LEF1: variants seen among roughly 807,000 people sequenced by gnomAD.
LEF1 encodes lymphoid enhancer-binding factor 1.
LEF1 carries 14 observed loss-of-function variants against 51.2 expected under a neutral mutation model. That is an observed-to-expected ratio of 0.27 (90% CI 0.18 to 0.43). The LOEUF (loss-of-function observed/expected upper bound fraction) is 0.43. Ranked by LOEUF, LEF1 falls within the 20% of genes least tolerant of loss-of-function variation. The pLI is 1.00. For missense variants in LEF1, 386 were observed against 512.0 expected (o/e 0.75, Z 2.37); for synonymous variants, 185 against 183.2 (o/e 1.01, Z -0.08).
chr4:108,097,836 T>C (rs1458695345), intron 3 of LEF1, among the ~76,000 whole-genome samples: 1 of 152,168 alleles, frequency 6.6e-6, no homozygotes, highest in African/African-American at 2.4e-5. Context: ...TGAAGTGTAG[T>C]CAGCTTGATG....
At chr4:108,158,522 G>A (rs1358859353) in intron 3 of LEF1, among the ~76,000 whole-genome samples, 1 of 152,050 alleles carries the variant, frequency 6.6e-6, no homozygotes, top group Non-Finnish European at 1.5e-5. Flanking sequence ...ATGTTTTTCT[G>A]CTTGCTACAG....
intron 3 of LEF1, among the ~76,000 whole-genome samples, chr4:108,144,915 T>C (rs937431743): frequency 1.7e-5 from 2 of 120,650 alleles, no homozygotes; most frequent in Non-Finnish European, 3.4e-5. Flanking sequence ...GAATACTGCA[T>C]AATCTGCAGG....
intron 3 of LEF1, among the ~76,000 whole-genome samples, chr4:108,105,097 T>TA (rs1267573731): frequency 3.9e-4 from 60 of 152,014 alleles, no homozygotes; most frequent in Non-Finnish European, 6.2e-4. Flanking sequence ...TATTTAACCC[T>TA]CAGAGCTTAA....
intron 1 of LEF1, among the ~76,000 whole-genome samples, chr4:108,166,991 C>A (rs1370018349): frequency 1.3e-5 from 2 of 152,064 alleles, no homozygotes; most frequent in Non-Finnish European, 2.9e-5. Context: ...GGCCGGCCTG[C>A]TCCCCGCGGC....
chr4:108,075,371 A>T (rs1295250607), intron 8 of LEF1: 1 of 152,262 alleles, frequency 6.6e-6, no homozygotes, highest in Admixed American at 6.5e-5. Context: ...GGTTCAGAAC[A>T]GACCTGGTAA....
At chr4:108,119,211 G>A (rs1324824090) in intron 3 of LEF1, among the ~76,000 whole-genome samples, 1 of 148,936 alleles carries the variant, frequency 6.7e-6, no homozygotes, top group Non-Finnish European at 1.5e-5. Context: ...CACATATTGA[G>A]GAGAAAAGTC....
chr4:108,163,435 A>G, intron 3 of LEF1, 133 bp downstream of exon 3: 1 of 936,604 alleles, frequency 1.1e-6, no homozygotes, highest in Middle Eastern at 3.5e-4. Context: ...TCCTCATAAC[A>G]GCTCTTATTT....
At chr4:108,143,827 C>T (rs1235812694) in intron 3 of LEF1, among the ~76,000 whole-genome samples, 2 of 152,148 alleles carry the variant, frequency 1.3e-5, no homozygotes, top group Admixed American at 1.3e-4. Flanking sequence ...ATCTCAGTAG[C>T]CCCCGGAGCT....
chr4:108,141,471 A>G (rs560421712), intron 3 of LEF1, among the ~76,000 whole-genome samples: 1 of 152,272 alleles, frequency 6.6e-6, no homozygotes, highest in Non-Finnish European at 1.5e-5. Context: ...CCGTCTTCAC[A>G]CAGTCACTCA....
intron 3 of LEF1, among the ~76,000 whole-genome samples, chr4:108,127,329 T>C (rs1441862624): frequency 3.3e-5 from 5 of 152,206 alleles, no homozygotes; most frequent in Non-Finnish European, 5.9e-5. Flanking sequence ...TAAAAATATC[T>C]ACAAATTACT....
At chr4:108,073,397 G>C (rs1361560870) in intron 8 of LEF1, among the ~76,000 whole-genome samples, 2 of 151,928 alleles carry the variant, frequency 1.3e-5, no homozygotes, top group East Asian at 3.9e-4. Flanking sequence ...CAAGAAAAAA[G>C]AAAACTGATA....
intron 4 of LEF1, among the ~76,000 whole-genome samples, chr4:108,085,811 G>C (rs1471007877): frequency 6.6e-6 from 1 of 152,156 alleles, no homozygotes; most frequent in East Asian, 1.9e-4. Context: ...TTTTTTATTT[G>C]TACTTTTAAT....
intron 8 of LEF1, among the ~76,000 whole-genome samples, chr4:108,076,719 G>C (rs183633104): frequency 1.4e-4 from 22 of 152,222 alleles, no homozygotes; most frequent in Non-Finnish European, 2.5e-4. Flanking sequence ...TAATCTCCAG[G>C]CATCATGCCT....
chr4:108,087,887 T>C (rs1435027105), intron 4 of LEF1, among the ~76,000 whole-genome samples: 2 of 152,164 alleles, frequency 1.3e-5, no homozygotes, highest in Non-Finnish European at 2.9e-5. Context: ...GAGACCCCTA[T>C]CTTAATTCCC....
intron 3 of LEF1, among the ~76,000 whole-genome samples, chr4:108,117,206 C>T (rs1418933236): frequency 6.6e-6 from 1 of 151,932 alleles, no homozygotes; most frequent in Admixed American, 6.5e-5. Context: ...AGATAAATTT[C>T]TTCCTAATTT....
At chr4:108,149,375 C>T (rs1203341335) in intron 3 of LEF1, among the ~76,000 whole-genome samples, 16 of 139,248 alleles carry the variant, frequency 1.1e-4, no homozygotes, top group African/African-American at 2.6e-4. Context: ...AGGAGAATGG[C>T]GTGAACCCGG....
Position 108,084,546 on chromosome 4 carries a change from T to G in LEF1, c.548-1100A>C, listed in dbSNP as rs182369023. On this transcript the variant is annotated intron_variant, in intron 4 of 11. Coordinates refer to ENST00000265165, the MANE Select transcript of LEF1 (RefSeq NM_016269.5). ...ATACTGAAAGCCTTCACATTGGGAATGACAAGAAGTGCTGTCTTGAAAGTT... is the reference window on the plus strand; with the variant it reads ...ATACTGAAAGCCTTCACATTGGGAAGGACAAGAAGTGCTGTCTTGAAAGTT... Among the ~76,000 whole-genome samples, 322 of 152,360 alleles carry G rather than the reference T, an allele frequency of 2.1e-3. 3 individuals are homozygous for G. Among genetic ancestry groups the G allele is most frequent in the Middle Eastern group, 0.01 (3 of 294 alleles).
In LEF1 at chr4:108,137,000, T is replaced by C. The variant is rs180701579; in HGVS notation, c.414+26568A>G. Among the ~76,000 whole-genome samples the C allele has an allele frequency of 5.3e-5, 8 of 152,284 alleles. No homozygotes were observed. In the East Asian group the frequency reaches 1.4e-3, roughly 26 times the overall value. On this transcript the variant is annotated intron_variant, in intron 3 of 11. Transcript: ENST00000265165. ...AAGTTTCTTCTGGCTTATTAAAAAG[T>C]CAACTTTTTCTTTATTGTAAGTACT...
chr4:108,144,679 G>A (rs965013076), intron 3 of LEF1, among the ~76,000 whole-genome samples: 1 of 151,914 alleles, frequency 6.6e-6, no homozygotes, highest in Non-Finnish European at 1.5e-5. Context: ...TGGAGGGCAG[G>A]GCCACAGGAG....
Sources: allele counts gnomAD v4.1 joint callset (sites outside exome capture counted in the v4.1 genomes callset), GRCh38; gene constraint gnomAD v4.1.1; transcripts MANE v1.5; gene names NCBI Gene and HGNC (gene_info 2026-07-23, HGNC 2026-07-21).